Variants in EMG1 observed in about 807,000 individuals in gnomAD.
The protein encoded by EMG1 is ribosomal RNA small subunit methyltransferase NEP1.
A neutral mutation model predicts 26.9 loss-of-function variants in EMG1; 24 were observed. The ratio of observed to expected loss-of-function variants is 0.89; its 90% CI spans 0.65 to 1.26. EMG1 has a LOEUF of 1.26. EMG1 is among the 50% of genes most tolerant of loss of function. EMG1 has a pLI of 0.00. For synonymous variants in EMG1, 140 were observed against 112.6 expected (o/e 1.24, Z -1.54); for missense variants, 299 against 307.6 (o/e 0.97, Z 0.21).
At chr12:6,984,012 C>A (rs1180499357), downstream of EMG1, among the ~76,000 whole-genome samples, 2 of 152,164 alleles carry the variant, frequency 1.3e-5, no homozygotes, top group African/African-American at 4.8e-5. Flanking sequence ...TGAGCGTACC[C>A]ATCTATGCTC....
rs1946410481 is a variant in EMG1, at chr12:6,976,948, A to G, written c.*1139A>G. ...TAGTTACTCCTGTAATTCCTGGTCT[A>G]TAGCCCTTCCAGATGTTTCCTAGCA... On this transcript the variant is annotated 3_prime_UTR_variant, in exon 6 of 6. Coordinates refer to ENST00000599672, the MANE Select transcript of EMG1 (RefSeq NM_006331.8). The G allele has an allele frequency of 3.5e-6, 2 of 566,462 alleles. No homozygotes were observed. The highest frequency in any genetic ancestry group is 6.4e-6 in the Non-Finnish European group (2 of 313,994). 35.1% of individuals were successfully genotyped at this position (566,462 alleles called of 1,614,324 possible). A position where few individuals can be genotyped will look rare whatever the true frequency, so the allele number is the denominator to read the frequency against.
chr12:6,983,039 T>C (rs1555154347), downstream of EMG1: 1 of 577,032 alleles, frequency 1.7e-6, no homozygotes, highest in South Asian at 1.6e-5. Flanking sequence ...TTGAGTGCAG[T>C]AGCTCAATCA....
downstream of EMG1, among the ~76,000 whole-genome samples, chr12:6,989,330 T>C (rs1182620386): frequency 2.0e-5 from 3 of 150,444 alleles, no homozygotes; most frequent in African/African-American, 7.3e-5. Context: ...TTTTTTTTTT[T>C]TGAGACAGAG....
downstream of EMG1, chr12:6,981,022 G>T: frequency 6.2e-7 from 1 of 1,601,582 alleles, no homozygotes; most frequent in African/African-American, 1.3e-5. Context: ...TATCTTTCCT[G>T]GTATGTCAAT....
rs1467655095 is a variant in EMG1, at chr12:6,978,731, C to T, written c.*2922C>T. On this transcript the variant is annotated 3_prime_UTR_variant, in exon 6 of 6. Transcript: ENST00000599672. ...ACAGTGCATTAGGGATATCACATGA[C>T]TAGGCAGTTTCTCTCAGCACTCTTC... is the stretch of plus-strand genomic sequence containing the variant. 13 of 1,608,104 alleles carry T rather than the reference C, an allele frequency of 8.1e-6. No homozygotes were observed. Among genetic ancestry groups the T allele is most frequent in the African/African-American group, 4.0e-5 (3 of 74,770 alleles).
Position 6,977,888 on chromosome 12 carries a change from G to A in EMG1, c.*2079G>A. The A allele has an allele frequency of 1.1e-6, 1 of 926,718 alleles. No homozygotes were observed. 57.4% of individuals were successfully genotyped at this position (926,718 alleles called of 1,614,324 possible). On this transcript the variant is annotated 3_prime_UTR_variant, in exon 6 of 6. Coordinates refer to ENST00000599672, the MANE Select transcript of EMG1 (RefSeq NM_006331.8). This position sits in a 1 kb window ranked among gnomAD's most constrained non-coding sequence, Gnocchi z 4.5. ...GCCCCCAGAGGGTACAGGAGGCAGTGCTGACTGATTACTTTTAGAGATGGA... is the reference window on the plus strand; with the variant it reads ...GCCCCCAGAGGGTACAGGAGGCAGTACTGACTGATTACTTTTAGAGATGGA...
downstream of EMG1, among the ~76,000 whole-genome samples, chr12:6,992,245 A>C (rs181114651): frequency 1.5e-3 from 234 of 152,178 alleles, 2 homozygotes; most frequent in African/African-American, 5.5e-3. Flanking sequence ...CTGAGGTAGC[A>C]TCACCTGAGC....
At chr12:6,988,607 G>A (rs781920205), downstream of EMG1, among the ~76,000 whole-genome samples, 2 of 152,186 alleles carry the variant, frequency 1.3e-5, no homozygotes, top group East Asian at 1.9e-4. Context: ...AAAAATGACC[G>A]AAGCCCCTTC....
At chr12:6,989,656 A>T (rs1946568973), downstream of EMG1, among the ~76,000 whole-genome samples, 4 of 152,136 alleles carry the variant, frequency 2.6e-5, no homozygotes, top group Admixed American at 2.6e-4. Flanking sequence ...AGCCCTCTTC[A>T]GGGGTTGTAG....
chr12:6,979,216 C>G lies in EMG1; in HGVS notation c.*3407C>G. ...GGTCACGTGGATGTGATAAGGCAAG[C>G]TAGGAGCGGCTCCTAGAGAAGGCAA... On this transcript the variant is annotated 3_prime_UTR_variant, in exon 6 of 6. Transcript: ENST00000599672. 1.1e-5 allele frequency: 6 copies of G among 527,386 alleles called. No homozygotes were observed. The highest frequency in any genetic ancestry group is 2.0e-5 in the Non-Finnish European group (6 of 295,476). The allele number at this position is 527,386 out of a possible 1,614,324, so 32.7% of individuals were successfully genotyped here.
intron 6 of EMG1, among the ~76,000 whole-genome samples, chr12:6,984,984 G>C (rs1946507068): frequency 6.6e-6 from 1 of 150,460 alleles, no homozygotes; most frequent in South Asian, 2.1e-4. Context: ...GCTTAGAATA[G>C]TATCATACAG....
At chr12:6,993,131 T>C (rs1394202481), downstream of EMG1, among the ~76,000 whole-genome samples, 1 of 152,258 alleles carries the variant, frequency 6.6e-6, no homozygotes, top group East Asian at 1.9e-4. Context: ...TAAAATGTAA[T>C]GTTTTTTAGT....
At chr12:6,996,831 C>T (rs1231113285) in intron 7 of EMG1, among the ~76,000 whole-genome samples, 1 of 152,136 alleles carries the variant, frequency 6.6e-6, no homozygotes, top group Non-Finnish European at 1.5e-5. Flanking sequence ...AGAAGTAGTT[C>T]TTGAACAGAG....
chr12:6,986,820 AG>A, intron 6 of EMG1, among the ~76,000 whole-genome samples: 1 of 150,086 alleles, frequency 6.7e-6, no homozygotes, highest in South Asian at 2.1e-4. Flanking sequence ...AAAAAAAAAA[AG>A]TTACACCTGT....
rs1056184535 is a variant in EMG1 at position 6,979,223 on chromosome 12, C to T, written c.*3414C>T. 1.1e-5 allele frequency: 6 copies of T among 531,954 alleles called. No homozygotes were observed. Among genetic ancestry groups the T allele is most frequent in the Admixed American group, 1.0e-4 (3 of 29,360 alleles). The allele number at this position is 531,954 out of a possible 1,614,324, so 33.0% of individuals were successfully genotyped here. ...TGGATGTGATAAGGCAAGCTAGGAG[C>T]GGCTCCTAGAGAAGGCAACGGGTGC... On this transcript the variant is annotated 3_prime_UTR_variant, in exon 6 of 6. Transcript: ENST00000599672.
rs782039108 is a variant in EMG1 at position 6,975,072 on chromosome 12, CTT to C, written c.413-13_413-12del. ...TGTGGTCTCCATCTAGCTCTGAACTCTTTTTTCCCCCTTCTAGTTCAACTTTT... is the reference window on the plus strand; with the variant it reads ...TGTGGTCTCCATCTAGCTCTGAACTCTTTTCCCCCTTCTAGTTCAACTTTT... On this transcript the variant is annotated splice_polypyrimidine_tract_variant and intron_variant, in intron 3 of 5. Transcript: ENST00000599672. The C allele has an allele frequency of 6.8e-6, 11 of 1,613,560 alleles. No individual in the cohort carries two copies. In the East Asian group the frequency reaches 8.9e-5, roughly 13 times the overall value.
downstream of EMG1, among the ~76,000 whole-genome samples, chr12:6,984,333 T>C (rs967351223): frequency 2.2e-4 from 33 of 152,224 alleles, no homozygotes; most frequent in African/African-American, 4.3e-4. Context: ...GGGTTGCTTA[T>C]TGAATTAAAA....
intron 3 of EMG1, 145 bp downstream of exon 3, chr12:6,974,838 T>G: frequency 1.0e-6 from 1 of 987,060 alleles, no homozygotes; most frequent in Non-Finnish European, 1.5e-6. Flanking sequence ...TGTTATTATT[T>G]TTCTATGTTT....
chr12:6,979,187 G>C lies in EMG1; in HGVS notation c.*3378G>C. 2.1e-6 allele frequency: 1 copy of C among 476,674 alleles called. No individual in the cohort carries two copies. 29.5% of individuals were successfully genotyped at this position (476,674 alleles called of 1,614,324 possible). A position where few individuals can be genotyped will look rare whatever the true frequency, so the allele number is the denominator to read the frequency against. Reference sequence around the variant, plus strand: ...GGAGAATCAGAAGCTGCTGTGCTCTGAGGGGTCACGTGGATGTGATAAGGC... The same window carrying C: ...GGAGAATCAGAAGCTGCTGTGCTCTCAGGGGTCACGTGGATGTGATAAGGC... On this transcript the variant is annotated 3_prime_UTR_variant, in exon 6 of 6. Coordinates refer to ENST00000599672, the MANE Select transcript of EMG1 (RefSeq NM_006331.8).
Sources: allele counts gnomAD v4.1 joint callset (sites outside exome capture counted in the v4.1 genomes callset), GRCh38; gene constraint gnomAD v4.1.1; non-coding constraint Gnocchi (gnomAD v3.1); transcripts MANE v1.5; gene names NCBI Gene and HGNC (gene_info 2026-07-23, HGNC 2026-07-21).